H2AC15: variants seen among roughly 807,000 people sequenced by gnomAD.
H2AC15 encodes histone H2A type 1.
H2AC15 carries 7 observed loss-of-function variants against 7.8 expected under a neutral mutation model. The ratio of observed to expected loss-of-function variants is 0.90; its 90% CI spans 0.51 to 1.69. The LOEUF (loss-of-function observed/expected upper bound fraction) is 1.69, where lower values mean the gene tolerates loss of function less well. H2AC15 is among the 40% of genes most tolerant of loss of function. The pLI is 0.00. For missense variants in H2AC15, 234 were observed against 174.7 expected (o/e 1.34, Z -1.91); for synonymous variants, 125 against 79.3 (o/e 1.58, Z -3.06).
In H2AC15 at chr6:27,837,886, G is replaced by C; in HGVS notation, c.*61C>G. On this transcript the variant is annotated 3_prime_UTR_variant, in exon 1 of 1. Transcript: ENST00000618958. ...GCTCTACTTGGTGAAAAAGTAGGTGGCTCTGAAAAGAACCTTTTTGGTTTG... is the reference window on the plus strand; with the variant it reads ...GCTCTACTTGGTGAAAAAGTAGGTGCCTCTGAAAAGAACCTTTTTGGTTTG... The C allele has an allele frequency of 1.3e-6, 2 of 1,579,382 alleles. No homozygotes were observed. The highest frequency in any genetic ancestry group is 1.7e-6 in the Non-Finnish European group (2 of 1,161,188).
Position 27,837,998 on chromosome 6 carries a change from G to A in H2AC15, c.342C>T (p.Ala114=). Reference sequence around the variant, plus strand: ...TCTCAGTTTTCTTAGGCAGCAGCACGGCCTGGATATTGGGCAGGACACCAC... The same window carrying A: ...TCTCAGTTTTCTTAGGCAGCAGCACAGCCTGGATATTGGGCAGGACACCAC... ...AQGGVLPNIQ[A]VLLPKKTESH... is the part of the protein sequence containing the mutation. The change falls in exon 1 of 1, where the codon GCC becomes GCT. Residue 114 remains alanine (A), a synonymous_variant. Coordinates refer to ENST00000618958, the MANE Select transcript of H2AC15 (RefSeq NM_003510.3). 1.2e-6 allele frequency: 2 copies of A among 1,614,196 alleles called. No homozygotes were observed. The highest frequency in any genetic ancestry group is 1.1e-5 in the South Asian group (1 of 91,076).
Position 27,838,373 on chromosome 6 carries a change from A to G in H2AC15, c.-34T>C. 1 of 1,548,510 alleles carries G rather than the reference A, an allele frequency of 6.5e-7. No individual in the cohort carries two copies. The highest frequency in any genetic ancestry group is 1.8e-4 in the Middle Eastern group (1 of 5,714). On this transcript the variant is annotated 5_prime_UTR_variant, in exon 1 of 1. Transcript: ENST00000618958. ...AAATTCAATCAGTAACGTTCCTGAG[A>G]CTGACGTAACGCTAAAGCTCCGCTA... is the stretch of plus-strand genomic sequence containing the variant.
rs750636387 is a variant in H2AC15 at position 27,837,923 on chromosome 6, G to C, written c.*24C>G. Reference sequence around the variant, plus strand: ...ACCTTTTTGGTTTGGACCGAGGTATGAGTAATGAACTGCTCCAGCCCCGCT... The same window carrying C: ...ACCTTTTTGGTTTGGACCGAGGTATCAGTAATGAACTGCTCCAGCCCCGCT... On this transcript the variant is annotated 3_prime_UTR_variant, in exon 1 of 1. Coordinates refer to ENST00000618958, the MANE Select transcript of H2AC15 (RefSeq NM_003510.3). The C allele has an allele frequency of 1.9e-6, 3 of 1,610,978 alleles. No individual in the cohort carries two copies. Among genetic ancestry groups the C allele is most frequent in the South Asian group, 2.2e-5 (2 of 90,992 alleles).
In H2AC15 at chr6:27,838,313, GC is replaced by G. The variant is rs757411215; in HGVS notation, c.26del (p.Gly9AlafsTer51). On this transcript the variant is annotated frameshift_variant, in exon 1 of 1. Coordinates refer to ENST00000618958, the MANE Select transcript of H2AC15 (RefSeq NM_003510.3). LOFTEE classifies it high-confidence loss of function. The stretch of plus-strand genomic sequence containing the variant: ...GGGTCTTAGCCTTGGCGCGAGCTTT[GC>G]CGCCCTGCTTGCCACGTCCCGACAT... MSGRGKQG[G>X]KARAKAKTRS... 8 of 1,594,652 alleles carry G rather than the reference GC, an allele frequency of 5.0e-6. No individual in the cohort carries two copies. Among genetic ancestry groups the G allele is most frequent in the Non-Finnish European group, 6.0e-6 (7 of 1,168,822 alleles).
At position 27,837,893 on chromosome 6, in the gene H2AC15, A is replaced by G; in HGVS notation, c.*54T>C. 3 of 1,588,814 alleles carry G rather than the reference A, an allele frequency of 1.9e-6. No homozygotes were observed. The highest frequency in any genetic ancestry group is 2.3e-5 in the South Asian group (2 of 88,592). On this transcript the variant is annotated 3_prime_UTR_variant, in exon 1 of 1. Transcript: ENST00000618958. ...TTGGTGAAAAAGTAGGTGGCTCTGA[A>G]AAGAACCTTTTTGGTTTGGACCGAG...
In H2AC15 at chr6:27,838,343, G is replaced by C. The variant is rs530431001; in HGVS notation, c.-4C>G. The C allele has an allele frequency of 6.4e-7, 1 of 1,571,248 alleles. No individual in the cohort carries two copies. Among genetic ancestry groups the C allele is most frequent in the Non-Finnish European group, 8.6e-7 (1 of 1,158,896 alleles). ...CCTGCTTGCCACGTCCCGACATGAC[G>C]TAAAAAATTCAATCAGTAACGTTCC... On this transcript the variant is annotated 5_prime_UTR_variant, in exon 1 of 1. Transcript: ENST00000618958.
In H2AC15 at chr6:27,838,044, C is replaced by T; in HGVS notation, c.296G>A (p.Gly99Asp). 1 of 1,614,240 alleles carries T rather than the reference C, an allele frequency of 6.2e-7. No homozygotes were observed. Among genetic ancestry groups the T allele is most frequent in the East Asian group, 2.2e-5 (1 of 44,888 alleles). The change falls in exon 1 of 1, where the codon GGT (glycine) becomes GAT (aspartate). Residue 99 changes from glycine (G) to aspartate (D), a missense_variant. Physicochemically the swap from Gly to Asp is moderately conservative, Grantham distance 94. Coordinates refer to ENST00000618958, the MANE Select transcript of H2AC15 (RefSeq NM_003510.3). ...RNDEELNKLL[G>D]KVTIAQGGVL... is the part of the protein sequence containing the mutation. ...ACCACCCTGGGCGATGGTCACTTTA[C>T]CAAGCAGCTTGTTGAGCTCCTCGTC...
In H2AC15 at chr6:27,838,075, G is replaced by A. The variant is rs150909234; in HGVS notation, c.265C>T (p.Arg89Cys). 36 of 1,614,096 alleles carry A rather than the reference G, an allele frequency of 2.2e-5. No homozygotes were observed. Among genetic ancestry groups the A allele is most frequent in the Non-Finnish European group, 2.6e-5 (31 of 1,180,050 alleles). Reference protein sequence around the residue: ...IIPRHLQLAIRNDEELNKLLG... With the variant: ...IIPRHLQLAICNDEELNKLLG... ...AGCTTGTTGAGCTCCTCGTCGTTGCGGATGGCCAGCTGCAAGTGGCGCGGG... is the reference window on the plus strand; with the variant it reads ...AGCTTGTTGAGCTCCTCGTCGTTGCAGATGGCCAGCTGCAAGTGGCGCGGG... Residue 89 changes from arginine (R) to cysteine (C), a missense_variant, in exon 1 of 1, where the codon CGC becomes TGC. Physicochemically the swap from Arg to Cys is radical, Grantham distance 180. Transcript: ENST00000618958.
In H2AC15 at chr6:27,838,217, A is replaced by G. The variant is rs1490876957; in HGVS notation, c.123T>C (p.Ala41=). ...CCGGCGCTCCGGCACCGACCCGCTC[A>G]GCGTAGTTGCCCTTGCGGAGCAGTC... The part of the protein sequence containing the change: ...VHRLLRKGNY[A]ERVGAGAPVY... The change falls in exon 1 of 1, where the codon GCT becomes GCC. Residue 41 remains alanine (A), a synonymous_variant. Coordinates refer to ENST00000618958, the MANE Select transcript of H2AC15 (RefSeq NM_003510.3). 6.2e-7 allele frequency: 1 copy of G among 1,614,038 alleles called. No individual in the cohort carries two copies. The highest frequency in any genetic ancestry group is 8.5e-7 in the Non-Finnish European group (1 of 1,180,014).
chr6:27,838,055 G>C lies in H2AC15; in HGVS notation c.285C>G (p.Asn95Lys), dbSNP rs1761061675. ...QLAIRNDEEL[N>K]KLLGKVTIAQ... The stretch of plus-strand genomic sequence containing the variant: ...CGATGGTCACTTTACCAAGCAGCTT[G>C]TTGAGCTCCTCGTCGTTGCGGATGG... The change falls in exon 1 of 1, where the codon AAC becomes AAG. Residue 95 changes from asparagine (N) to lysine (K), a missense_variant. Asn to Lys is a moderately conservative substitution (Grantham distance 94, BLOSUM62 0). Coordinates refer to ENST00000618958, the MANE Select transcript of H2AC15 (RefSeq NM_003510.3). 6.2e-7 allele frequency: 1 copy of C among 1,614,118 alleles called. No homozygotes were observed. Among genetic ancestry groups the C allele is most frequent in the African/African-American group, 1.3e-5 (1 of 74,938 alleles).
Position 27,838,106 on chromosome 6 carries a change from G to C in H2AC15, c.234C>G (p.Arg78=). 1 of 1,614,198 alleles carries C rather than the reference G, an allele frequency of 6.2e-7. No homozygotes were observed. The highest frequency in any genetic ancestry group is 8.5e-7 in the Non-Finnish European group (1 of 1,180,042). Residue 78 remains arginine (R), a synonymous_variant, in exon 1 of 1, where the codon CGC becomes CGG. Transcript: ENST00000618958. ...CCAGCTGCAAGTGGCGCGGGATGAT[G>C]CGGGTCTTCTTGTTGTCGCGGGCCG... is the stretch of plus-strand genomic sequence containing the variant. ...GNAARDNKKT[R]IIPRHLQLAI... is the part of the protein sequence containing the mutation.
In H2AC15 at chr6:27,838,331, TC is replaced by T. The variant is rs777405011; in HGVS notation, c.8del (p.Gly3AspfsTer57). On this transcript the variant is annotated frameshift_variant, in exon 1 of 1. Transcript: ENST00000618958. LOFTEE classifies it high-confidence loss of function. ...GAGCTTTGCCGCCCTGCTTGCCACG[TC>T]CCGACATGACGTAAAAAATTCAATC... MS[G>X]RGKQGGKARA... 2 of 1,580,862 alleles carry T rather than the reference TC, an allele frequency of 1.3e-6. No individual in the cohort carries two copies. The highest frequency in any genetic ancestry group is 1.4e-5 in the African/African-American group (1 of 73,870).
Position 27,838,193 on chromosome 6 carries a change from C to T in H2AC15, c.147G>A (p.Pro49=), listed in dbSNP as rs571150777. The T allele has an allele frequency of 6.8e-6, 11 of 1,614,072 alleles. No individual in the cohort carries two copies. The highest frequency in any genetic ancestry group is 9.3e-6 in the Non-Finnish European group (11 of 1,180,030). The part of the protein sequence containing the change: ...NYAERVGAGA[P]VYLAAVLEYL... ...ACTCCAACACCGCCGCCAGGTACAC[C>T]GGCGCTCCGGCACCGACCCGCTCAG... is the stretch of plus-strand genomic sequence containing the variant. Residue 49 remains proline, a synonymous_variant, in exon 1 of 1, where the codon CCG becomes CCA. Transcript: ENST00000618958.
In H2AC15 at chr6:27,838,216, C is replaced by T. The variant is rs761136744; in HGVS notation, c.124G>A (p.Glu42Lys). Residue 42 changes from glutamate (E) to lysine (K), a missense_variant, in exon 1 of 1, where the codon GAG becomes AAG. Glu to Lys is a moderately conservative substitution (Grantham distance 56). Transcript: ENST00000618958. ...HRLLRKGNYA[E>K]RVGAGAPVYL... ...ACCGGCGCTCCGGCACCGACCCGCT[C>T]AGCGTAGTTGCCCTTGCGGAGCAGT... is the stretch of plus-strand genomic sequence containing the variant. The T allele has an allele frequency of 3.7e-6, 6 of 1,614,078 alleles. No individual in the cohort carries two copies. The Admixed American group carries it at 8.3e-5, about 22-fold the overall frequency.
In H2AC15 at chr6:27,838,122, T is replaced by A; in HGVS notation, c.218A>T (p.Asp73Val). The part of the protein sequence containing the change: ...ILELAGNAAR[D>V]NKKTRIIPRH... Reference sequence around the variant, plus strand: ...CGGGATGATGCGGGTCTTCTTGTTGTCGCGGGCCGCGTTGCCAGCCAGTTC... The same window carrying A: ...CGGGATGATGCGGGTCTTCTTGTTGACGCGGGCCGCGTTGCCAGCCAGTTC... Residue 73 changes from aspartate (D) to valine (V), a missense_variant, in exon 1 of 1, where the codon GAC becomes GTC. Asp to Val is a radical substitution (Grantham distance 152). Coordinates refer to ENST00000618958, the MANE Select transcript of H2AC15 (RefSeq NM_003510.3). The A allele has an allele frequency of 6.2e-7, 1 of 1,614,080 alleles. No individual in the cohort carries two copies. Among genetic ancestry groups the A allele is most frequent in the Non-Finnish European group, 8.5e-7 (1 of 1,179,996 alleles).
At position 27,838,205 on chromosome 6, in the gene H2AC15, A is replaced by C. The variant is rs774412686; in HGVS notation, c.135T>G (p.Gly45=). The part of the protein sequence containing the change: ...LRKGNYAERV[G]AGAPVYLAAV... Reference sequence around the variant, plus strand: ...CCGCCAGGTACACCGGCGCTCCGGCACCGACCCGCTCAGCGTAGTTGCCCT... The same window carrying C: ...CCGCCAGGTACACCGGCGCTCCGGCCCCGACCCGCTCAGCGTAGTTGCCCT... Residue 45 remains glycine, a synonymous_variant, in exon 1 of 1, where the codon GGT becomes GGG. Coordinates refer to ENST00000618958, the MANE Select transcript of H2AC15 (RefSeq NM_003510.3). The C allele has an allele frequency of 6.2e-7, 1 of 1,613,950 alleles. No individual in the cohort carries two copies. The highest frequency in any genetic ancestry group is 8.5e-7 in the Non-Finnish European group (1 of 1,180,010).
In H2AC15 at chr6:27,838,188, T is replaced by G. The variant is rs544484889; in HGVS notation, c.152A>C (p.Tyr51Ser). 6.2e-7 allele frequency: 1 copy of G among 1,614,050 alleles called. No individual in the cohort carries two copies. Among genetic ancestry groups the G allele is most frequent in the Non-Finnish European group, 8.5e-7 (1 of 1,180,028 alleles). The change falls in exon 1 of 1, where the codon TAC (tyrosine) becomes TCC (serine). Residue 51 changes from tyrosine (Y) to serine (S), a missense_variant. Tyr to Ser is a moderately radical substitution (Grantham distance 144). Transcript: ENST00000618958. ...TAGGTACTCCAACACCGCCGCCAGG[T>G]ACACCGGCGCTCCGGCACCGACCCG... ...AERVGAGAPVYLAAVLEYLTA... is the reference protein window; with the variant it reads ...AERVGAGAPVSLAAVLEYLTA...
At position 27,838,226 on chromosome 6, in the gene H2AC15, GC is replaced by G; in HGVS notation, c.113del (p.Gly38AlafsTer22). The G allele has an allele frequency of 6.2e-7, 1 of 1,614,026 alleles. No individual in the cohort carries two copies. Among genetic ancestry groups the G allele is most frequent in the Non-Finnish European group, 8.5e-7 (1 of 1,179,986 alleles). On this transcript the variant is annotated frameshift_variant, in exon 1 of 1. Transcript: ENST00000618958. LOFTEE classifies it high-confidence loss of function. ...CGGCACCGACCCGCTCAGCGTAGTT[GC>G]CCTTGCGGAGCAGTCGGTGCACTCG... ...VGRVHRLLRK[G>X]NYAERVGAGA...
chr6:27,837,922 T>C lies in H2AC15; in HGVS notation c.*25A>G. ...AACCTTTTTGGTTTGGACCGAGGTA[T>C]GAGTAATGAACTGCTCCAGCCCCGC... On this transcript the variant is annotated 3_prime_UTR_variant, in exon 1 of 1. Coordinates refer to ENST00000618958, the MANE Select transcript of H2AC15 (RefSeq NM_003510.3). 6.2e-7 allele frequency: 1 copy of C among 1,610,328 alleles called. No homozygotes were observed. The highest frequency in any genetic ancestry group is 8.5e-7 in the Non-Finnish European group (1 of 1,177,522).
Sources: allele counts gnomAD v4.1 joint callset, GRCh38; gene constraint gnomAD v4.1.1; transcripts MANE v1.5; gene names NCBI Gene and HGNC (gene_info 2026-07-23, HGNC 2026-07-21).